NRXN3: variants seen among roughly 807,000 people sequenced by gnomAD.
NRXN3 encodes neurexin 3, also known as neurexin III.
Under a neutral mutation model 137.6 loss-of-function variants are expected in NRXN3, and 32 were observed. The ratio of observed to expected loss-of-function variants is 0.23; its 90% CI spans 0.18 to 0.31. The LOEUF (loss-of-function observed/expected upper bound fraction) is 0.31. NRXN3 is among the 10% of genes least tolerant of loss of function. NRXN3 has a pLI of 1.00. For synonymous variants in NRXN3, 798 were observed against 784.5 expected, an observed-to-expected ratio of 1.02 and a Z score of -0.29; for missense variants, 1,574 against 2,062.5, an observed-to-expected ratio of 0.76 and a Z score of 4.59.
At chr14:78,532,251 G>A (rs1046011149) in intron 4 of NRXN3, among the ~76,000 whole-genome samples, 33 of 151,666 alleles carry the variant, frequency 2.2e-4, no homozygotes, top group Non-Finnish European at 4.4e-5. Flanking sequence ...AACCCAGGAG[G>A]CGGAAGTTCT....
In NRXN3 at chr14:79,171,294, T is replaced by C. The variant is rs1182005876; in HGVS notation, c.3262+183153T>C. Among the ~76,000 whole-genome samples the C allele has an allele frequency of 2.0e-5, 3 of 152,160 alleles. No individual in the cohort carries two copies. The East Asian group carries it at 5.8e-4, about 29-fold the overall frequency. On this transcript the variant is annotated intron_variant, in intron 15 of 20. Coordinates refer to ENST00000335750, the MANE Select transcript of NRXN3 (RefSeq NM_001330195.2). The stretch of plus-strand genomic sequence containing the variant: ...TCCTCTGTCTTCCGTGAGGGTTATA[T>C]ACCCAAAACTCTCTGTCTTAATTTG...
intron 15 of NRXN3, among the ~76,000 whole-genome samples, chr14:79,360,285 G>A (rs2093637577): frequency 6.6e-6 from 1 of 152,196 alleles, no homozygotes; most frequent in Non-Finnish European, 1.5e-5. Context: ...TTAAGGATAT[G>A]AGGATAAGGC....
chr14:79,799,518 G>C (rs1364166330), intron 19 of NRXN3, among the ~76,000 whole-genome samples: 2 of 152,184 alleles, frequency 1.3e-5, no homozygotes, highest in Non-Finnish European at 2.9e-5. Flanking sequence ...CAGTATCTAA[G>C]TTTTCAAGAA....
intron 4 of NRXN3, among the ~76,000 whole-genome samples, chr14:78,428,325 C>T (rs1193230456): frequency 6.6e-6 from 1 of 152,164 alleles, no homozygotes; most frequent in African/African-American, 2.4e-5. Context: ...CCTAATTCAA[C>T]CCTAAGCCAA....
chr14:79,676,972 C>G (rs984486855), intron 17 of NRXN3, among the ~76,000 whole-genome samples: 1 of 152,022 alleles, frequency 6.6e-6, no homozygotes, highest in African/African-American at 2.4e-5. Flanking sequence ...AAATATTAAA[C>G]TGTACAACTG....
At chr14:78,713,938 C>A (rs184454438) in intron 7 of NRXN3, among the ~76,000 whole-genome samples, 1 of 152,290 alleles carries the variant, frequency 6.6e-6, no homozygotes, top group Non-Finnish European at 1.5e-5. Context: ...GGGAACACAG[C>A]CAAACCATAT....
intron 16 of NRXN3, among the ~76,000 whole-genome samples, chr14:79,622,423 T>C (rs949571371): frequency 6.6e-6 from 1 of 152,204 alleles, no homozygotes; most frequent in African/African-American, 2.4e-5. Context: ...TTCTTAACCT[T>C]TCTAAACTTC....
At chr14:78,528,181 T>G (rs932210854) in intron 4 of NRXN3, among the ~76,000 whole-genome samples, 2 of 152,244 alleles carry the variant, frequency 1.3e-5, no homozygotes, top group Non-Finnish European at 2.9e-5. Context: ...TGGAATGAAC[T>G]GAGAGAGGTT....
chr14:78,716,789 C>T (rs1358588191), intron 8 of NRXN3, among the ~76,000 whole-genome samples: 2 of 152,134 alleles, frequency 1.3e-5, no homozygotes, highest in South Asian at 2.1e-4. Flanking sequence ...AAATAGAATA[C>T]AGGACATGAG....
chr14:78,491,193 G>T (rs534262744), intron 4 of NRXN3, among the ~76,000 whole-genome samples: 2 of 152,304 alleles, frequency 1.3e-5, no homozygotes, highest in Admixed American at 1.3e-4. Context: ...GGCCCCAGCT[G>T]CCAGATGATG....
chr14:79,243,369 G>A (rs1023402381), intron 15 of NRXN3, among the ~76,000 whole-genome samples: 1 of 152,108 alleles, frequency 6.6e-6, no homozygotes, highest in African/African-American at 2.4e-5. Flanking sequence ...GCTTCATGGG[G>A]GATTCAATAC....
chr14:79,686,394 C>T (rs936892976), intron 17 of NRXN3, among the ~76,000 whole-genome samples: 1 of 152,088 alleles, frequency 6.6e-6, no homozygotes, highest in Non-Finnish European at 1.5e-5. Context: ...ACTCCCATCC[C>T]CCTGCTGTTC....
At chr14:78,750,854 A>G (rs979396746) in intron 8 of NRXN3, among the ~76,000 whole-genome samples, 3 of 152,160 alleles carry the variant, frequency 2.0e-5, no homozygotes, top group African/African-American at 7.2e-5. Flanking sequence ...GGTAACTAGC[A>G]TTGGCCCTTC....
At chr14:78,861,096 C>T (rs570849118) in intron 10 of NRXN3, among the ~76,000 whole-genome samples, 17 of 152,116 alleles carry the variant, frequency 1.1e-4, no homozygotes, top group African/African-American at 3.6e-4. Context: ...GTAATAGTTC[C>T]ACCTTTCTGC....
Position 79,713,164 on chromosome 14 carries a change from CTTTTTTTTTTT to C in NRXN3, c.4014+15243_4014+15253del, listed in dbSNP as rs574716352. On this transcript the variant is annotated intron_variant, in intron 19 of 20. Transcript: ENST00000335750. Reference sequence around the variant, plus strand: ...AATTCCTTGACTGCACTGATTTTTACTTTTTTTTTTTTTTTTTTTTTTTTTTACCCTCTCTC... The same window carrying C: ...AATTCCTTGACTGCACTGATTTTTACTTTTTTTTTTTTTTTACCCTCTCTC... 9.0e-4 allele frequency among the ~76,000 whole-genome samples: 73 copies of C among 80,894 alleles called. 1 individual carries two copies. The highest frequency in any genetic ancestry group is 3.6e-3 in the African/African-American group (69 of 19,088). 53.1% of individuals were successfully genotyped at this position (80,894 alleles called of 152,430 possible).
At chr14:78,406,376 G>A (rs1448143644) in intron 4 of NRXN3, among the ~76,000 whole-genome samples, 1 of 152,180 alleles carries the variant, frequency 6.6e-6, no homozygotes, top group Non-Finnish European at 1.5e-5. Context: ...ATGACTGCGG[G>A]AGTTTCAGTC....
chr14:78,309,379 A>G (rs2077715423), intron 4 of NRXN3, among the ~76,000 whole-genome samples: 1 of 151,824 alleles, frequency 6.6e-6, no homozygotes, highest in Non-Finnish European at 1.5e-5. Flanking sequence ...GGTTTGGTAT[A>G]AATTATTTTG....
At chr14:78,250,023 T>G (rs2153460591) in intron 2 of NRXN3, 2 of 491,584 alleles carry the variant, frequency 4.1e-6, no homozygotes, top group African/African-American at 1.9e-5. Context: ...CTGTCTTAGG[T>G]GCTTTTCATG....
intron 2 of NRXN3, among the ~76,000 whole-genome samples, chr14:78,253,160 A>G (rs1011238043): frequency 1.3e-5 from 2 of 152,194 alleles, no homozygotes; most frequent in African/African-American, 4.8e-5. Context: ...GTTTAGGCAG[A>G]GGTGTTGTAC....
Sources: allele counts gnomAD v4.1 joint callset (sites outside exome capture counted in the v4.1 genomes callset), GRCh38; gene constraint gnomAD v4.1.1; transcripts MANE v1.5; gene names NCBI Gene and HGNC (gene_info 2026-07-23, HGNC 2026-07-21).